METTL24: variants seen among roughly 807,000 people sequenced by gnomAD.
METTL24 encodes the protein methyltransferase like 24, also known as probable methyltransferase-like protein 24.
Under a neutral mutation model 32.7 loss-of-function variants are expected in METTL24, and 29 were observed. The ratio of observed to expected loss-of-function variants is 0.89; its 90% CI spans 0.66 to 1.21. METTL24 has a LOEUF of 1.21. METTL24 is among the 50% of genes most tolerant of loss of function. The pLI is 0.00. For synonymous variants in METTL24, 163 were observed against 179.5 expected (o/e 0.91, Z 0.73); for missense variants, 439 against 468.1 (o/e 0.94, Z 0.57).
intron 2 of METTL24, among the ~76,000 whole-genome samples, chr6:110,318,831 T>C (rs920553771): frequency 6.6e-6 from 1 of 152,136 alleles, no homozygotes; most frequent in Non-Finnish European, 1.5e-5. Context: ...AACTTTCTAG[T>C]TAAGATTTAT....
intron 4 of METTL24, among the ~76,000 whole-genome samples, chr6:110,255,418 C>A (rs1328208459): frequency 6.6e-6 from 1 of 151,986 alleles, no homozygotes; most frequent in African/African-American, 2.4e-5. Context: ...TGGTGACCAG[C>A]CAAGATGTCA....
intron 4 of METTL24, among the ~76,000 whole-genome samples, chr6:110,259,971 C>T (rs1778461226): frequency 6.6e-6 from 1 of 152,102 alleles, no homozygotes; most frequent in African/African-American, 2.4e-5. Flanking sequence ...CTGTACGTCA[C>T]CATCATCAAA....
At position 110,326,535 on chromosome 6, in the gene METTL24, A is replaced by T. The variant is rs144776945; in HGVS notation, c.319-3663T>A. 1.2e-3 allele frequency among the ~76,000 whole-genome samples: 179 copies of T among 152,326 alleles called. 1 individual carries two copies. The highest frequency in any genetic ancestry group is 4.0e-3 in the African/African-American group (166 of 41,566). On this transcript the variant is annotated intron_variant, in intron 1 of 4. Transcript: ENST00000338882. ...ACCTAGATTATAACCAATGTTGTTAACTGGGTGACTTGGGCAATCAGTCAG... is the reference window on the plus strand; with the variant it reads ...ACCTAGATTATAACCAATGTTGTTATCTGGGTGACTTGGGCAATCAGTCAG...
intron 4 of METTL24, among the ~76,000 whole-genome samples, chr6:110,250,726 A>G (rs1046285709): frequency 6.6e-6 from 1 of 152,210 alleles, no homozygotes; most frequent in African/African-American, 2.4e-5. Flanking sequence ...ATCAGCCAAC[A>G]CTGACTGCTC....
chr6:110,261,968 T>G (rs1314361510), intron 4 of METTL24, among the ~76,000 whole-genome samples: 1 of 151,482 alleles, frequency 6.6e-6, no homozygotes, highest in Non-Finnish European at 1.5e-5. Context: ...TTTAAAGCAG[T>G]GTGTAGAGGG....
chr6:110,352,748 T>A (rs1238334820), intron 1 of METTL24, among the ~76,000 whole-genome samples: 1 of 152,192 alleles, frequency 6.6e-6, no homozygotes, highest in Non-Finnish European at 1.5e-5. Context: ...TCATGTTACT[T>A]TCTACGAACC....
intron 4 of METTL24, among the ~76,000 whole-genome samples, chr6:110,289,221 C>T (rs1020466358): frequency 1.3e-5 from 2 of 152,198 alleles, no homozygotes; most frequent in African/African-American, 4.8e-5. Flanking sequence ...AAAATACACA[C>T]TGAAGTCAAA....
chr6:110,279,432 T>C (rs544132962), intron 4 of METTL24, among the ~76,000 whole-genome samples: 13 of 152,174 alleles, frequency 8.5e-5, no homozygotes, highest in Non-Finnish European at 1.6e-4. Context: ...AGAATCCCAG[T>C]AGAGTAAAAT....
intron 1 of METTL24, among the ~76,000 whole-genome samples, chr6:110,330,200 C>T (rs1270113577): frequency 2.0e-5 from 3 of 152,190 alleles, no homozygotes; most frequent in African/African-American, 7.2e-5. Context: ...CAAGTAATCC[C>T]ACTAAGATGG....
intron 3 of METTL24, among the ~76,000 whole-genome samples, chr6:110,300,434 T>TC (rs1390151214): frequency 1.3e-5 from 2 of 151,608 alleles, no homozygotes; most frequent in Non-Finnish European, 2.9e-5. Flanking sequence ...TTTTTTTTTT[T>TC]TTTTTAGATG....
chr6:110,307,316 C>G (rs898242847), intron 3 of METTL24, among the ~76,000 whole-genome samples: 1 of 152,126 alleles, frequency 6.6e-6, no homozygotes, highest in African/African-American at 2.4e-5. Context: ...AATAAAAAGA[C>G]AACCATTATT....
rs995018656 is a variant in METTL24, at chr6:110,244,898, C to T, written c.*1048G>A. ...TTACTTCAGTGAGGAGAGCACAGAC[C>T]GAAGGAGCCAGATGGAAACCAGAAT... On this transcript the variant is annotated 3_prime_UTR_variant, in exon 5 of 5. Coordinates refer to ENST00000338882, the MANE Select transcript of METTL24 (RefSeq NM_001123364.3). Among the ~76,000 whole-genome samples, 5 of 151,922 alleles carry T rather than the reference C, an allele frequency of 3.3e-5. No homozygotes were observed. The highest frequency in any genetic ancestry group is 1.9e-4 in the East Asian group (1 of 5,182).
chr6:110,334,088 G>GA (rs1315674694), intron 1 of METTL24, among the ~76,000 whole-genome samples: 2 of 148,932 alleles, frequency 1.3e-5, no homozygotes, highest in Non-Finnish European at 3.0e-5. Flanking sequence ...AGGAAAAGGG[G>GA]GGCCTGAGAG....
At position 110,315,400 on chromosome 6, in the gene METTL24, C is replaced by G; in HGVS notation, c.499G>C (p.Asp167His). 1 of 1,614,152 alleles carries G rather than the reference C, an allele frequency of 6.2e-7. No homozygotes were observed. The highest frequency in any genetic ancestry group is 8.5e-7 in the Non-Finnish European group (1 of 1,180,028). Reference sequence around the variant, plus strand: ...ATTTGATGAGCTAAATTGAACCTGTCGTCAAGACACACTGACCAGGGCTTG... The same window carrying G: ...ATTTGATGAGCTAAATTGAACCTGTGGTCAAGACACACTGACCAGGGCTTG... ...THKPWSVCLDDRFNLAHQIRN... is the reference protein window; with the variant it reads ...THKPWSVCLDHRFNLAHQIRN... The change falls in exon 3 of 5, where the codon GAC (aspartate) becomes CAC (histidine). Residue 167 changes from aspartate to histidine, a missense_variant. Asp to His is a moderately conservative substitution (Grantham distance 81). Transcript: ENST00000338882.
At chr6:110,333,394 G>A (rs961514226) in intron 1 of METTL24, among the ~76,000 whole-genome samples, 6 of 152,122 alleles carry the variant, frequency 3.9e-5, no homozygotes, top group African/African-American at 1.2e-4. Context: ...TTTGTAAACC[G>A]TGTTTTTATT....
intron 3 of METTL24, among the ~76,000 whole-genome samples, chr6:110,309,370 A>T (rs1406987706): frequency 6.6e-6 from 1 of 152,208 alleles, no homozygotes; most frequent in East Asian, 1.9e-4. Context: ...TAAATGACAC[A>T]CTAGTGGGTA....
rs548466228 is a variant in METTL24, at chr6:110,349,358, G to T, written c.318+8597C>A. On this transcript the variant is annotated intron_variant, in intron 1 of 4. Coordinates refer to ENST00000338882, the MANE Select transcript of METTL24 (RefSeq NM_001123364.3). ...AGAGCATTCATCCCTCTGCCAAGGT[G>T]ACCAGCAATGTTCCAGATGGCAGTC... 2.0e-5 allele frequency among the ~76,000 whole-genome samples: 3 copies of T among 152,294 alleles called. No individual in the cohort carries two copies. In the South Asian group the frequency reaches 6.2e-4, roughly 32 times the overall value.
At chr6:110,271,110 T>A (rs1263691621) in intron 4 of METTL24, among the ~76,000 whole-genome samples, 1 of 152,048 alleles carries the variant, frequency 6.6e-6, no homozygotes, top group Non-Finnish European at 1.5e-5. Context: ...TCCACCGAAC[T>A]TGGCCTCCCA....
chr6:110,306,173 G>A (rs1266318605), intron 3 of METTL24, among the ~76,000 whole-genome samples: 1 of 151,910 alleles, frequency 6.6e-6, no homozygotes, highest in Non-Finnish European at 1.5e-5. Flanking sequence ...GGGGGCAAGG[G>A]GAGGGATAGC....
Sources: allele counts gnomAD v4.1 joint callset (sites outside exome capture counted in the v4.1 genomes callset), GRCh38; gene constraint gnomAD v4.1.1; transcripts MANE v1.5; gene names NCBI Gene and HGNC (gene_info 2026-07-23, HGNC 2026-07-21).